Variants in GRK1 observed in about 807,000 individuals in gnomAD.
The protein encoded by GRK1 is G protein-coupled receptor kinase 1, also known as rhodopsin kinase GRK1.
In GRK1, 28 loss-of-function variants were observed where a neutral mutation model predicts 41.7. That is an observed-to-expected ratio of 0.67 (90% CI 0.50 to 0.92). GRK1 has a LOEUF of 0.92. GRK1 is among the 40% of genes least tolerant of loss of function. The pLI is 0.00. For missense variants in GRK1, 703 were observed against 671.2 expected (o/e 1.05, Z -0.52); for synonymous variants, 327 against 286.7 (o/e 1.14, Z -1.42).
At position 113,735,428 on chromosome 13, in the gene GRK1, C is replaced by T. The variant is rs990015952; in HGVS notation, c.*65C>T. The T allele has an allele frequency of 2.2e-5, 31 of 1,418,144 alleles. No homozygotes were observed. Among genetic ancestry groups the T allele is most frequent in the African/African-American group, 4.3e-5 (3 of 69,276 alleles). The allele number at this position is 1,418,144 out of a possible 1,614,324, so 87.8% of individuals were successfully genotyped here. On this transcript the variant is annotated 3_prime_UTR_variant, in exon 7 of 7. Transcript: ENST00000335678. ...CGGCTCGATGGGGGCCGCCTGCCTC[C>T]GTGGTGCCAGCCTGGGGTCTGCTAG...
rs1396850488 is a variant in GRK1, at chr13:113,667,395, C to T, written c.9C>T (p.Phe3=). The T allele has an allele frequency of 8.3e-6, 13 of 1,571,588 alleles. No homozygotes were observed. The East Asian group carries it at 9.1e-5, about 11-fold the overall frequency. Reference sequence around the variant, plus strand: ...GGGCAGGAAGCTCCGGGATGGATTTCGGGTCTTTGGAGACCGTGGTGGCCA... The same window carrying T: ...GGGCAGGAAGCTCCGGGATGGATTTTGGGTCTTTGGAGACCGTGGTGGCCA... MD[F]GSLETVVANS... The change falls in exon 1 of 7, where the codon TTC becomes TTT. Residue 3 remains phenylalanine (F), a synonymous_variant. Transcript: ENST00000335678. This position sits in a 1 kb window ranked among gnomAD's most constrained non-coding sequence, Gnocchi z 7.5.
chr13:113,666,783 T>TC (rs2049821682), upstream of GRK1, among the ~76,000 whole-genome samples: 1 of 152,206 alleles, frequency 6.6e-6, no homozygotes, highest in African/African-American at 2.4e-5. Context: ...GGGCTTCTTT[T>TC]CCTCTCTAAA....
At chr13:113,652,602 C>A in the GRK1 span, 7 of 518,742 alleles carry the variant, frequency 1.3e-5, no homozygotes, top group East Asian at 2.2e-4. Context: ...CTGAAGGGGG[C>A]CCTGGCCTTG....
upstream of GRK1, among the ~76,000 whole-genome samples, chr13:113,665,733 G>A (rs1309327808): frequency 6.6e-6 from 1 of 150,420 alleles, no homozygotes; most frequent in Non-Finnish European, 1.5e-5. Context: ...GTGTGCCCCA[G>A]CTGTCCCAGG....
the GRK1 span, among the ~76,000 whole-genome samples, chr13:113,648,550 T>G: frequency 6.6e-6 from 1 of 152,240 alleles, no homozygotes; most frequent in Non-Finnish European, 1.5e-5. Flanking sequence ...TTTGCTTGTT[T>G]GGGAGAATGT....
chr13:113,651,674 G>A, the GRK1 span: 1 of 1,612,890 alleles, frequency 6.2e-7, no homozygotes, highest in Non-Finnish European at 8.5e-7. Context: ...TACTCACCAG[G>A]AAGGCGCAGT....
chr13:113,667,843 A>G lies in GRK1; in HGVS notation c.457A>G (p.Thr153Ala). Residue 153 changes from threonine to alanine, a missense_variant, in exon 1 of 7, where the codon ACC becomes GCC. By Grantham distance (58) the Thr-to-Ala change is moderately conservative (BLOSUM62 0). Transcript: ENST00000335678. The surrounding 1 kb of genome is among the most constrained non-coding windows in gnomAD (Gnocchi z 7.5). ...GCTCTTCCAGCCCCTGCTGCAGGCC[A>G]CCCTGGCACACCTGGGCCAAGCCCC... Reference protein sequence around the residue: ...DGLFQPLLQATLAHLGQAPFQ... With the variant: ...DGLFQPLLQAALAHLGQAPFQ... 1 of 1,587,478 alleles carries G rather than the reference A, an allele frequency of 6.3e-7. No homozygotes were observed. Among genetic ancestry groups the G allele is most frequent in the Non-Finnish European group, 8.6e-7 (1 of 1,165,230 alleles).
At chr13:113,729,813 G>A (rs1351834062) in intron 4 of GRK1, among the ~76,000 whole-genome samples, 1 of 126,968 alleles carries the variant, frequency 7.9e-6, no homozygotes, top group Non-Finnish European at 1.7e-5. Context: ...CGAGACAGTT[G>A]CCACGGCTGA....
At chr13:113,662,461 A>G (rs1187798778), upstream of GRK1, among the ~76,000 whole-genome samples, 1 of 152,268 alleles carries the variant, frequency 6.6e-6, no homozygotes, top group Admixed American at 6.5e-5. Flanking sequence ...GCAATGAACA[A>G]GAAGAGGAAA....
Position 113,735,696 on chromosome 13 carries a change from G to A in GRK1, c.*333G>A, listed in dbSNP as rs919298016. On this transcript the variant is annotated 3_prime_UTR_variant, in exon 7 of 7. Transcript: ENST00000335678. ...CTCCTGCATTGGTGATTGACCAACC[G>A]TGTGGTCAGGGGCAGAGACTCGGTT... is the stretch of plus-strand genomic sequence containing the variant. The A allele has an allele frequency of 5.5e-5, 12 of 220,092 alleles. No homozygotes were observed. Among genetic ancestry groups the A allele is most frequent in the Non-Finnish European group, 8.9e-5 (10 of 112,646 alleles). 13.6% of individuals were successfully genotyped at this position (220,092 alleles called of 1,614,324 possible).
chr13:113,671,429 A>G lies in GRK1; in HGVS notation c.828-70A>G, dbSNP rs1642315784. 3.9e-5 allele frequency: 30 copies of G among 767,100 alleles called. No individual in the cohort carries two copies. In the South Asian group the frequency reaches 4.0e-4, roughly 10 times the overall value. 47.5% of individuals were successfully genotyped at this position (767,100 alleles called of 1,614,324 possible). A position where few individuals can be genotyped will look rare whatever the true frequency, so the allele number is the denominator to read the frequency against. On this transcript the variant is annotated intron_variant, in intron 2 of 6. Coordinates refer to ENST00000335678, the MANE Select transcript of GRK1 (RefSeq NM_002929.3). This position sits in a 1 kb window ranked among gnomAD's most constrained non-coding sequence, Gnocchi z 4.1. ...CCGAGAGACATGGTTCTGAGGCCCC[A>G]GCTCTGTCTTTCCATGATTTTACTC...
intron 4 of GRK1, among the ~76,000 whole-genome samples, chr13:113,729,566 C>G (rs2049918676): frequency 6.6e-6 from 1 of 152,192 alleles, no homozygotes; most frequent in African/African-American, 2.4e-5. Context: ...GCAGCTGACA[C>G]AAGGAAGCAG....
chr13:113,670,664 G>T (rs1406061690), intron 2 of GRK1, among the ~76,000 whole-genome samples: 1 of 53,036 alleles, frequency 1.9e-5, no homozygotes, highest in Non-Finnish European at 5.5e-5. Flanking sequence ...GCAGACACAG[G>T]GGTGTCCAGG....
At chr13:113,649,649 T>C in the GRK1 span, 13 of 1,248,408 alleles carry the variant, frequency 1.0e-5, no homozygotes, top group Non-Finnish European at 1.4e-5. The surrounding 1 kb of genome is among the most constrained non-coding windows in gnomAD (Gnocchi z 4.7). Flanking sequence ...AGCTCTTTTG[T>C]GTAAGACTGG....
At position 113,667,918 on chromosome 13, in the gene GRK1, A is replaced by C. The variant is rs200173343; in HGVS notation, c.532A>C (p.Lys178Gln). Reference sequence around the variant, plus strand: ...GTACTTCCTGAGGTTCCTGCAGTGGAAGTGGCTGGAAGCCCAGCCCATGGG... The same window carrying C: ...GTACTTCCTGAGGTTCCTGCAGTGGCAGTGGCTGGAAGCCCAGCCCATGGG... ...SLYFLRFLQWKWLEAQPMGED... is the reference protein window; with the variant it reads ...SLYFLRFLQWQWLEAQPMGED... Residue 178 changes from lysine to glutamine, a missense_variant, in exon 1 of 7, where the codon AAG becomes CAG. Lys to Gln is a moderately conservative substitution (Grantham distance 53). Coordinates refer to ENST00000335678, the MANE Select transcript of GRK1 (RefSeq NM_002929.3). This position sits in a 1 kb window ranked among gnomAD's most constrained non-coding sequence, Gnocchi z 7.5. The C allele has an allele frequency of 2.6e-4, 416 of 1,607,260 alleles. 7 individuals are homozygous for C. In the African/African-American group the frequency reaches 4.8e-3, roughly 19 times the overall value.
At chr13:113,658,354 C>T in the GRK1 span, among the ~76,000 whole-genome samples, 1 of 152,254 alleles carries the variant, frequency 6.6e-6, no homozygotes, top group Non-Finnish European at 1.5e-5. Flanking sequence ...GCTGTTGCCC[C>T]TGGGGCGGGC....
In GRK1 at chr13:113,672,720, G is replaced by C. The variant is rs2049865339; in HGVS notation, c.985+1064G>C. Among the ~76,000 whole-genome samples the C allele has an allele frequency of 1.9e-4, 14 of 72,964 alleles. No individual in the cohort carries two copies. The South Asian group carries it at 9.1e-3, about 47-fold the overall frequency. 47.9% of individuals were successfully genotyped at this position (72,964 alleles called of 152,430 possible). On this transcript the variant is annotated intron_variant, in intron 3 of 6. Transcript: ENST00000335678. ...TTCAGTGTACCCTCCTTAGCCTTTG[G>C]GTTTTGCCAATATTGTGTCTATTTA...
chr13:113,734,935 C>G (rs1024033727), intron 6 of GRK1, 133 bp from the exon 7 acceptor site: 1 of 896,300 alleles, frequency 1.1e-6, no homozygotes, highest in South Asian at 2.2e-5. Flanking sequence ...TCAGCCTCCA[C>G]GACACTTCCC....
chr13:113,727,743 TGAGGACCCATGGCGATGAG>T (rs2049899737), intron 4 of GRK1, among the ~76,000 whole-genome samples: 1 of 100,790 alleles, frequency 9.9e-6, no homozygotes, highest in Non-Finnish European at 2.0e-5. Flanking sequence ...CCCATGGCGA[TGAGGACCCATGGCGATGAG>T]GAGTACCCAT....
Sources: gnomAD v4.1 joint callset for allele counts (sites outside exome capture counted in the v4.1 genomes callset) on GRCh38, gnomAD v4.1.1 for gene constraint, Gnocchi (gnomAD v3.1) non-coding constraint, MANE v1.5 for transcripts, NCBI Gene and HGNC (gene_info 2026-07-23, HGNC 2026-07-21) for gene names.